Variants in STK3 observed in about 807,000 individuals in gnomAD.
STK3 encodes the protein serine/threonine-protein kinase 3.
A neutral mutation model predicts 58.0 loss-of-function variants in STK3; 41 were observed. That is an observed-to-expected ratio of 0.71 (90% CI 0.55 to 0.92). The LOEUF (loss-of-function observed/expected upper bound fraction) is 0.92, where lower values mean the gene tolerates loss of function less well. Ranked by LOEUF, STK3 falls within the 40% of genes least tolerant of loss-of-function variation. STK3 has a pLI of 0.00. For synonymous variants in STK3, 170 were observed against 191.0 expected (o/e 0.89, Z 0.91); for missense variants, 479 against 602.7 (o/e 0.79, Z 2.15).
At chr8:98,699,994 T>C (rs1321317753) in intron 6 of STK3, among the ~76,000 whole-genome samples, 12 of 152,226 alleles carry the variant, frequency 7.9e-5, no homozygotes, top group African/African-American at 2.9e-4. Context: ...CAGGCAGGCC[T>C]CCTTGAGCTG....
intron 6 of STK3, among the ~76,000 whole-genome samples, chr8:98,620,479 T>A (rs191684043): frequency 2.0e-3 from 255 of 130,006 alleles, no homozygotes; most frequent in East Asian, 8.4e-3. Context: ...AAAAAATAAA[T>A]AAATAAATAA....
At chr8:98,394,988 A>G (rs1028347323) in intron 3 of STK3, among the ~76,000 whole-genome samples, 6 of 152,192 alleles carry the variant, frequency 3.9e-5, no homozygotes, top group African/African-American at 1.4e-4. Flanking sequence ...CGCCTGCCAC[A>G]TGGACTGAGG....
intron 6 of STK3, among the ~76,000 whole-genome samples, chr8:98,694,119 A>T (rs942341971): frequency 3.3e-5 from 5 of 152,126 alleles, no homozygotes; most frequent in Non-Finnish European, 7.4e-5. Flanking sequence ...GCCTATACTA[A>T]AGCATTTGTT....
At chr8:98,916,943 G>A (rs1306278668) in intron 1 of STK3, among the ~76,000 whole-genome samples, 4 of 152,184 alleles carry the variant, frequency 2.6e-5, no homozygotes, top group Non-Finnish European at 1.5e-5. Context: ...CTGAGCAATG[G>A]GAAAGAGCCA....
intron 1 of STK3, among the ~76,000 whole-genome samples, chr8:98,941,902 C>G (rs184864672): frequency 0.016 from 2,493 of 152,342 alleles, 73 homozygotes; most frequent in African/African-American, 0.056. Flanking sequence ...ATTTCAGAGC[C>G]AGCCAGCAGC....
intron 3 of STK3, among the ~76,000 whole-genome samples, chr8:98,831,310 T>G (rs1023664249): frequency 6.6e-6 from 1 of 152,190 alleles, no homozygotes; most frequent in Non-Finnish European, 1.5e-5. Flanking sequence ...TGGAGTGTAG[T>G]GACACAATCA....
intron 8 of STK3, among the ~76,000 whole-genome samples, chr8:98,561,607 A>T (rs1191127906): frequency 6.6e-6 from 1 of 152,108 alleles, no homozygotes; most frequent in Non-Finnish European, 1.5e-5. Flanking sequence ...ACAGTGAGCT[A>T]TGATCATCCA....
chr8:98,487,180 T>C (rs760190684), intron 10 of STK3, among the ~76,000 whole-genome samples: 1 of 152,124 alleles, frequency 6.6e-6, no homozygotes, highest in Non-Finnish European at 1.5e-5. Context: ...GTCTCATAAG[T>C]TCACTATAAA....
downstream of STK3, chr8:98,882,133 T>G (rs1039708735): frequency 3.3e-5 from 5 of 152,158 alleles, no homozygotes; most frequent in Admixed American, 1.3e-4. Flanking sequence ...AATAAAAAAT[T>G]TATCCATGAC....
intron 6 of STK3, among the ~76,000 whole-genome samples, chr8:98,636,675 A>G (rs773325244): frequency 1.1e-4 from 16 of 152,182 alleles, no homozygotes; most frequent in Non-Finnish European, 2.4e-4. Flanking sequence ...AGTTACACAG[A>G]ATTTGCATTT....
At chr8:98,400,887 A>G (rs1273864190), downstream of STK3, among the ~76,000 whole-genome samples, 1 of 152,094 alleles carries the variant, frequency 6.6e-6, no homozygotes, top group Non-Finnish European at 1.5e-5. Context: ...GTATTTTCCA[A>G]ATAAGGCCAC....
chr8:98,721,273 G>T, intron 4 of STK3: 1 of 276,388 alleles, frequency 3.6e-6, no homozygotes, highest in Non-Finnish European at 5.5e-6. Context: ...ATCAAAAAAA[G>T]CAAAGAAAGA....
intron 6 of STK3, among the ~76,000 whole-genome samples, chr8:98,676,124 C>T (rs1393472859): frequency 6.6e-6 from 1 of 152,142 alleles, no homozygotes; most frequent in African/African-American, 2.4e-5. Flanking sequence ...ACAAATATTT[C>T]TTGATTCCAC....
At chr8:98,527,268 CTTT>C in intron 9 of STK3, among the ~76,000 whole-genome samples, 1 of 151,998 alleles carries the variant, frequency 6.6e-6, no homozygotes, top group East Asian at 1.9e-4. Context: ...TTTTGGTGGG[CTTT>C]TTTTCTTTGC....
intron 6 of STK3, among the ~76,000 whole-genome samples, chr8:98,599,257 C>T (rs1816111851): frequency 6.6e-6 from 1 of 152,096 alleles, no homozygotes; most frequent in South Asian, 2.1e-4. Context: ...ACATAATACA[C>T]AGGTAACAAG....
chr8:98,928,446 T>C (rs1168617700), intron 1 of STK3, among the ~76,000 whole-genome samples: 1 of 152,256 alleles, frequency 6.6e-6, no homozygotes, highest in Non-Finnish European at 1.5e-5. Context: ...AATATACCTA[T>C]GCATCTCCTT....
chr8:98,428,571 A>T lies in STK3; in HGVS notation n.483+5556T>A. On this transcript the variant is annotated intron_variant and non_coding_transcript_variant, in intron 3 of 3. Transcript: ENST00000517832. The surrounding 1 kb of genome is among the most constrained non-coding windows in gnomAD (Gnocchi z 6.7). The stretch of plus-strand genomic sequence containing the variant: ...CAGCATCCTGTCCATCCTGGTGGTG[A>T]TGGGGTCCATCATCACCATGTGCCT... 1.2e-6 allele frequency: 2 copies of T among 1,614,106 alleles called. No homozygotes were observed. The highest frequency in any genetic ancestry group is 1.7e-6 in the Non-Finnish European group (2 of 1,180,014).
intron 1 of STK3, among the ~76,000 whole-genome samples, chr8:98,442,031 T>C (rs545509062): frequency 9.2e-5 from 14 of 152,318 alleles, no homozygotes; most frequent in Admixed American, 7.8e-4. Flanking sequence ...AACCCACTCC[T>C]ATTCCAATAA....
At chr8:98,912,670 T>C (rs1479173224) in intron 1 of STK3, among the ~76,000 whole-genome samples, 1 of 152,134 alleles carries the variant, frequency 6.6e-6, no homozygotes, top group African/African-American at 2.4e-5. Context: ...TGCCCAGTTC[T>C]TATGCCCAAA....
Sources: gnomAD v4.1 joint callset for allele counts (sites outside exome capture counted in the v4.1 genomes callset) on GRCh38, gnomAD v4.1.1 for gene constraint, Gnocchi (gnomAD v3.1) non-coding constraint, MANE v1.5 for transcripts, NCBI Gene and HGNC (gene_info 2026-07-23, HGNC 2026-07-21) for gene names.